The following ENO2 variants were observed in gnomAD, a reference collection of about 807,000 sequenced individuals.
ENO2 encodes the protein gamma-enolase.
A neutral mutation model predicts 48.7 loss-of-function variants in ENO2; 19 were observed. The ratio of observed to expected loss-of-function variants is 0.39; its 90% CI spans 0.27 to 0.57. The LOEUF is 0.57. Among genes scored for constraint, ENO2 ranks in the 20% least tolerant of loss-of-function variants. The probability of loss-of-function intolerance (pLI) is 0.58; values close to 1 mark genes in which losing one functional copy is unlikely to be tolerated. For synonymous variants in ENO2, 198 were observed against 213.4 expected (o/e 0.93, Z 0.63); for missense variants, 416 against 555.0 (o/e 0.75, Z 2.52).
intron 5 of ENO2, chr12:6,917,326 A>G: frequency 5.7e-6 from 4 of 702,196 alleles, no homozygotes; most frequent in Non-Finnish European, 7.0e-6. Context: ...GAGGAGGGGG[A>G]TGGCCTGAGA....
rs183842041 is a variant in ENO2 at position 6,920,696 on chromosome 12, G to A, written c.866-885G>A. ...ATTACAGGCGTGAGCCACCACGCCT[G>A]GCTGGTTTGCTTTTAATTAACTTTT... On this transcript the variant is annotated intron_variant, in intron 8 of 11. Coordinates refer to ENST00000229277, the MANE Select transcript of ENO2 (RefSeq NM_001975.3). Among the ~76,000 whole-genome samples, 35 of 148,576 alleles carry A rather than the reference G, an allele frequency of 2.4e-4. No individual in the cohort carries two copies. In the East Asian group the frequency reaches 6.5e-3, roughly 28 times the overall value.
intron 7 of ENO2, 142 bp downstream of exon 7, chr12:6,918,304 T>C (rs1945309988): frequency 1.2e-6 from 1 of 814,880 alleles, no homozygotes; most frequent in East Asian, 2.7e-5. Context: ...GTTCTTAGAG[T>C]GGATTGCAGA....
chr12:6,923,107 C>T lies in ENO2; in HGVS notation c.*307C>T, dbSNP rs782401863. 1.7e-4 allele frequency: 61 copies of T among 354,862 alleles called. No individual in the cohort carries two copies. In the East Asian group the frequency reaches 3.5e-3, roughly 20 times the overall value. The allele number at this position is 354,862 out of a possible 1,614,324, so 22.0% of individuals were successfully genotyped here. A position where few individuals can be genotyped will look rare whatever the true frequency, so the allele number is the denominator to read the frequency against. On this transcript the variant is annotated 3_prime_UTR_variant, in exon 12 of 12. Coordinates refer to ENST00000229277, the MANE Select transcript of ENO2 (RefSeq NM_001975.3). Reference sequence around the variant, plus strand: ...AGGGGGTCCGTGGAAGAATGATCAGCATCTGTGATGGGAGCGTCAGGGTTG... The same window carrying T: ...AGGGGGTCCGTGGAAGAATGATCAGTATCTGTGATGGGAGCGTCAGGGTTG...
intron 7 of ENO2, among the ~76,000 whole-genome samples, chr12:6,919,302 T>A (rs1466135153): frequency 6.6e-6 from 1 of 152,218 alleles, no homozygotes; most frequent in Non-Finnish European, 1.5e-5. Flanking sequence ...CATGGTAGTG[T>A]GAGGCTTAAA....
In ENO2 at chr12:6,917,121, G is replaced by A. The variant is rs372023195; in HGVS notation, c.310+14G>A. 4.3e-6 allele frequency: 7 copies of A among 1,613,792 alleles called. No homozygotes were observed. In the Admixed American group the frequency reaches 5.0e-5, roughly 12 times the overall value. ...CTGAGAACAAATGTGAGCCGGGGCC[G>A]GGAGAAAGTGGGGAAGCGTCAGGGT... is the stretch of plus-strand genomic sequence containing the variant. On this transcript the variant is annotated intron_variant, in intron 5 of 11. Transcript: ENST00000229277.
In ENO2 at chr12:6,917,689, A is replaced by G. The variant is rs1555141762; in HGVS notation, c.419A>G (p.Asn140Ser). ...CGCCACATTGCTCAGCTGGCCGGGA[A>G]CTCAGACCTCATCCTGCCTGTGCCG... ...LYRHIAQLAG[N>S]SDLILPVPAF... The change falls in exon 6 of 12, where the codon AAC becomes AGC. Residue 140 changes from asparagine to serine, a missense_variant. Transcript: ENST00000229277. 1 of 1,531,126 alleles carries G rather than the reference A, an allele frequency of 6.5e-7. No homozygotes were observed. Among genetic ancestry groups the G allele is most frequent in the Middle Eastern group, 1.8e-4 (1 of 5,548 alleles). 94.8% of individuals were successfully genotyped at this position (1,531,126 alleles called of 1,614,324 possible).
rs781862516 is a variant in ENO2 at position 6,922,057 on chromosome 12, T to C, written c.1069T>C (p.Cys357Arg). ...IGSVTEAIQACKLAQENGWGV... is the reference protein window; with the variant it reads ...IGSVTEAIQARKLAQENGWGV... ...AATCAGTGCTGTGTGTGGATACAGGTGCAAGCTGGCCCAGGAGAATGGCTG... is the reference window on the plus strand; with the variant it reads ...AATCAGTGCTGTGTGTGGATACAGGCGCAAGCTGGCCCAGGAGAATGGCTG... Residue 357 changes from cysteine to arginine, a missense_variant and splice_region_variant, in exon 10 of 12, where the codon TGC becomes CGC. Transcript: ENST00000229277. This position sits in a 1 kb window ranked among gnomAD's most constrained non-coding sequence, Gnocchi z 5.3. 1 of 1,614,054 alleles carries C rather than the reference T, an allele frequency of 6.2e-7. No homozygotes were observed. The highest frequency in any genetic ancestry group is 8.5e-7 in the Non-Finnish European group (1 of 1,180,004).
At chr12:6,921,899 C>A in intron 9 of ENO2, 117 bp downstream of exon 9, 2 of 1,494,354 alleles carry the variant, frequency 1.3e-6, no homozygotes, top group South Asian at 2.4e-5. Context: ...CTGGAATCAT[C>A]CTCACAGTTC....
chr12:6,919,814 C>A, intron 8 of ENO2, 51 bp downstream of exon 8: 2 of 1,594,480 alleles, frequency 1.3e-6, no homozygotes, highest in Non-Finnish European at 1.7e-6. Context: ...AGGGACGTGT[C>A]CCAGCAACTC....
chr12:6,917,767 A>T, intron 6 of ENO2, 53 bp downstream of exon 6: 1 of 1,570,026 alleles, frequency 6.4e-7, no homozygotes. Context: ...GGGAGGGAGC[A>T]TGCAACTCAT....
Position 6,922,667 on chromosome 12 carries a change from C to T in ENO2, c.1236-64C>T. Reference sequence around the variant, plus strand: ...GGGGTGGTTGGAGTCTGGGGGACCCCTAGAGAGAGAAGCAGGATCCTCCTG... The same window carrying T: ...GGGGTGGTTGGAGTCTGGGGGACCCTTAGAGAGAGAAGCAGGATCCTCCTG... On this transcript the variant is annotated intron_variant, in intron 11 of 11. Coordinates refer to ENST00000229277, the MANE Select transcript of ENO2 (RefSeq NM_001975.3). The surrounding 1 kb of genome is among the most constrained non-coding windows in gnomAD (Gnocchi z 5.3). 1 of 1,598,060 alleles carries T rather than the reference C, an allele frequency of 6.3e-7. No individual in the cohort carries two copies. Among genetic ancestry groups the T allele is most frequent in the Admixed American group, 1.7e-5 (1 of 59,964 alleles).
In ENO2 at chr12:6,916,381, C is replaced by G; in HGVS notation, c.86-36C>G. The G allele has an allele frequency of 6.3e-7, 1 of 1,597,532 alleles. No homozygotes were observed. The highest frequency in any genetic ancestry group is 1.1e-5 in the South Asian group (1 of 88,874). ...TGAAGGACTCCCTGGCCCCTGTGTC[C>G]TCTTCACTCCCTCTCATTCCATGTT... is the stretch of plus-strand genomic sequence containing the variant. On this transcript the variant is annotated intron_variant, in intron 2 of 11. Coordinates refer to ENST00000229277, the MANE Select transcript of ENO2 (RefSeq NM_001975.3). This position sits in a 1 kb window ranked among gnomAD's most constrained non-coding sequence, Gnocchi z 4.5.
At chr12:6,917,263 G>A (rs1945300370) in intron 5 of ENO2, 156 bp downstream of exon 5, 3 of 940,000 alleles carry the variant, frequency 3.2e-6, no homozygotes, top group Non-Finnish European at 4.8e-6. Flanking sequence ...GAGTTTAGCT[G>A]CAGAGGGAAG....
rs782388083 is a variant in ENO2, at chr12:6,921,585, C to A, written c.870C>A (p.Val290=). The A allele has an allele frequency of 2.1e-5, 34 of 1,613,942 alleles. No individual in the cohort carries two copies. The Admixed American group carries it at 5.7e-4, about 27-fold the overall frequency. Residue 290 remains valine, a synonymous_variant, in exon 9 of 12, where the codon GTC becomes GTA. Transcript: ENST00000229277. ...YQDFVRDYPV[V]SIEDPFDQDD... ...CCCACCATGCTCTCTCTGCAGTGGTCTCCATTGAGGACCCATTTGACCAGG... is the reference window on the plus strand; with the variant it reads ...CCCACCATGCTCTCTCTGCAGTGGTATCCATTGAGGACCCATTTGACCAGG...
chr12:6,915,698 A>ACCCCCCCC, intron 1 of ENO2, 123 bp from the exon 2 acceptor site: 1 of 109,332 alleles, frequency 9.1e-6, no homozygotes, highest in Non-Finnish European at 1.9e-5. Context: ...CTCCCTACCC[A>ACCCCCCCC]CCCCCCACCC....
At position 6,922,020 on chromosome 12, in the gene ENO2, T is replaced by G; in HGVS notation, c.1068-36T>G. 6.2e-7 allele frequency: 1 copy of G among 1,611,860 alleles called. No homozygotes were observed. The highest frequency in any genetic ancestry group is 1.7e-4 in the Middle Eastern group (1 of 6,056). Reference sequence around the variant, plus strand: ...GGGGCTGGGAAGAGAGTGCCCAGTGTGAGAGCTGGAGAATCAGTGCTGTGT... The same window carrying G: ...GGGGCTGGGAAGAGAGTGCCCAGTGGGAGAGCTGGAGAATCAGTGCTGTGT... On this transcript the variant is annotated intron_variant, in intron 9 of 11. Transcript: ENST00000229277. The surrounding 1 kb of genome is among the most constrained non-coding windows in gnomAD (Gnocchi z 5.3).
intron 8 of ENO2, among the ~76,000 whole-genome samples, chr12:6,921,318 G>A (rs1247280134): frequency 1.3e-5 from 2 of 152,044 alleles, no homozygotes; most frequent in African/African-American, 2.4e-5. Context: ...CACTTGATTG[G>A]GGAGGTGGAG....
intron 8 of ENO2, 116 bp from the exon 9 acceptor site, chr12:6,921,465 G>A (rs1471383910): frequency 2.0e-6 from 2 of 975,732 alleles, no homozygotes; most frequent in East Asian, 2.5e-5. Context: ...AGGATGAGCA[G>A]GTGTAGTTAA....
Position 6,916,849 on chromosome 12 carries a change from G to A in ENO2, c.240+120G>A. 2 of 1,461,096 alleles carry A rather than the reference G, an allele frequency of 1.4e-6. No individual in the cohort carries two copies. Among genetic ancestry groups the A allele is most frequent in the Non-Finnish European group, 9.4e-7 (1 of 1,065,846 alleles). The allele number at this position is 1,461,096 out of a possible 1,614,324, so 90.5% of individuals were successfully genotyped here. On this transcript the variant is annotated intron_variant, in intron 4 of 11. Transcript: ENST00000229277. This position sits in a 1 kb window ranked among gnomAD's most constrained non-coding sequence, Gnocchi z 4.5. ...TAGGAATCATGGTTACAAGGGGGAA[G>A]GGTGGGGAACAGCTTCCTTAATGCA...
Sources: allele counts gnomAD v4.1 joint callset (sites outside exome capture counted in the v4.1 genomes callset), GRCh38; gene constraint gnomAD v4.1.1; non-coding constraint Gnocchi (gnomAD v3.1); transcripts MANE v1.5; gene names NCBI Gene and HGNC (gene_info 2026-07-23, HGNC 2026-07-21).